The following SALL4 variants were observed in gnomAD, a reference collection of about 807,000 sequenced individuals.
SALL4 encodes spalt like transcription factor 4.
In SALL4, 4 loss-of-function variants were observed where a neutral mutation model predicts 60.8. The observed-to-expected ratio is 0.07, with a 90% CI of 0.03 to 0.15. SALL4 has a LOEUF of 0.15. SALL4 is among the 10% of genes least tolerant of loss of function. The pLI is 1.00. For synonymous variants in SALL4, 580 were observed against 574.9 expected (o/e 1.01, Z -0.13); for missense variants, 1,178 against 1,394.7 (o/e 0.84, Z 2.48).
At position 51,784,409 on chromosome 20, in the gene SALL4, G is replaced by T; in HGVS notation, c.3018C>A (p.Ser1006=). 6.2e-7 allele frequency: 1 copy of T among 1,614,170 alleles called. No homozygotes were observed. Among genetic ancestry groups the T allele is most frequent in the African/African-American group, 1.3e-5 (1 of 75,036 alleles). Residue 1006 remains serine (S), a synonymous_variant, in exon 4 of 4, where the codon TCC becomes TCA. Transcript: ENST00000217086. ...TGGAGACAGTGGCGTTATTCACAACGGAGGTGGCCCCCAAGGAAACCGGGA... is the reference window on the plus strand; with the variant it reads ...TGGAGACAGTGGCGTTATTCACAACTGAGGTGGCCCCCAAGGAAACCGGGA... ...PTLPVSLGAT[S]VVNNATVSKM... is the part of the protein sequence containing the mutation.
chr20:51,791,415 G>C lies in SALL4; in HGVS notation c.1068C>G (p.Ser356=). The C allele has an allele frequency of 1.2e-6, 2 of 1,614,156 alleles. No homozygotes were observed. The highest frequency in any genetic ancestry group is 1.7e-6 in the Non-Finnish European group (2 of 1,180,020). Residue 356 remains serine, a synonymous_variant, in exon 2 of 4, where the codon TCC becomes TCG. Transcript: ENST00000217086. This position sits in a 1 kb window ranked among gnomAD's most constrained non-coding sequence, Gnocchi z 4.6. ...TCGGTGGCTTCCCCTTCCCTTTCTT[G>C]GATGTGTCTAGCGCCACAGTGGAGA... is the stretch of plus-strand genomic sequence containing the variant. ...SPFSTVALDT[S]KKGKGKPPNI...
intron 1 of SALL4, among the ~76,000 whole-genome samples, chr20:51,794,736 C>T (rs990162502): frequency 5.9e-5 from 9 of 151,918 alleles, no homozygotes; most frequent in South Asian, 2.1e-4. Flanking sequence ...AAACTATTAC[C>T]CTATTTGACA....
rs201272780 is a variant in SALL4 at position 51,790,160 on chromosome 20, G to T, written c.2323C>A (p.Arg775=). 1.2e-6 allele frequency: 2 copies of T among 1,614,086 alleles called. No individual in the cohort carries two copies. The highest frequency in any genetic ancestry group is 4.5e-5 in the East Asian group (2 of 44,878). ...GTGGTTTCCAGGATATCTGGGCTTC[G>T]GCTCTGATACTCCTGGTCTCCCATC... ...SLMGDQEYQS[R]SPDILETTSF... Residue 775 remains arginine, a synonymous_variant, in exon 2 of 4, where the codon CGA becomes AGA. Coordinates refer to ENST00000217086, the MANE Select transcript of SALL4 (RefSeq NM_020436.5). This position sits in a 1 kb window ranked among gnomAD's most constrained non-coding sequence, Gnocchi z 5.5.
chr20:51,800,997 G>A (rs1016326115), intron 1 of SALL4, among the ~76,000 whole-genome samples: 3 of 152,164 alleles, frequency 2.0e-5, no homozygotes, highest in African/African-American at 7.2e-5. Flanking sequence ...GGAAACCCCG[G>A]GTATCAGAGA....
chr20:51,786,622 A>C (rs1330955735), intron 3 of SALL4, among the ~76,000 whole-genome samples: 1 of 152,230 alleles, frequency 6.6e-6, no homozygotes. Flanking sequence ...GTAAAATGGG[A>C]AAATCTGAAT....
intron 1 of SALL4, among the ~76,000 whole-genome samples, chr20:51,794,560 A>G (rs759003107): frequency 6.6e-6 from 1 of 152,168 alleles, no homozygotes; most frequent in Admixed American, 6.5e-5. Context: ...TCAAAAAATA[A>G]ATAAATAAAT....
rs2122966323 is a variant in SALL4 at position 51,792,086 on chromosome 20, G to A, written c.397C>T (p.His133Tyr). Residue 133 changes from histidine (H) to tyrosine (Y), a missense_variant, in exon 2 of 4, where the codon CAC (histidine) becomes TAC (tyrosine). Coordinates refer to ENST00000217086, the MANE Select transcript of SALL4 (RefSeq NM_020436.5). ...QPTSPGSKDC[H>Y]RENGGSSEDM... ...TCTGAGCTGCCGCCATTCTCCCTGT[G>A]ACAGTCCTTACTGCCGGGACTGGTG... is the stretch of plus-strand genomic sequence containing the variant. 1 of 1,614,160 alleles carries A rather than the reference G, an allele frequency of 6.2e-7. No individual in the cohort carries two copies. Among genetic ancestry groups the A allele is most frequent in the East Asian group, 2.2e-5 (1 of 44,876 alleles).
chr20:51,802,230 T>G, intron 1 of SALL4, 49 bp downstream of exon 1: 1 of 1,541,936 alleles, frequency 6.5e-7, no homozygotes, highest in Non-Finnish European at 8.7e-7. Flanking sequence ...GGATCCCGCG[T>G]ACGTCCGGGA....
At chr20:51,798,482 GACT>G (rs2078091891) in intron 1 of SALL4, among the ~76,000 whole-genome samples, 1 of 152,108 alleles carries the variant, frequency 6.6e-6, no homozygotes. Context: ...GGATTGTGGT[GACT>G]GGCGATGCAG....
rs558350484 is a variant in SALL4, at chr20:51,790,886, C to T, written c.1597G>A (p.Ala533Thr). The part of the protein sequence containing the change: ...GVGPNYNSPR[A>T]GGFQGSGTPE... ...GTCCCACTCCCTTGGAAGCCACCAGCCCTTGGGGAATTATAGTTTGGTCCC... is the reference window on the plus strand; with the variant it reads ...GTCCCACTCCCTTGGAAGCCACCAGTCCTTGGGGAATTATAGTTTGGTCCC... Residue 533 changes from alanine (A) to threonine (T), a missense_variant, in exon 2 of 4, where the codon GCT becomes ACT. Coordinates refer to ENST00000217086, the MANE Select transcript of SALL4 (RefSeq NM_020436.5). The surrounding 1 kb of genome is among the most constrained non-coding windows in gnomAD (Gnocchi z 5.5). 1.9e-6 allele frequency: 3 copies of T among 1,614,104 alleles called. No individual in the cohort carries two copies. Among genetic ancestry groups the T allele is most frequent in the Non-Finnish European group, 1.7e-6 (2 of 1,180,036 alleles).
chr20:51,793,760 C>G (rs2078063809), intron 1 of SALL4, among the ~76,000 whole-genome samples: 1 of 152,216 alleles, frequency 6.6e-6, no homozygotes, highest in Admixed American at 6.5e-5. Flanking sequence ...CACAGTCCAC[C>G]CACGGGTTTC....
chr20:51,790,158 T>C lies in SALL4; in HGVS notation c.2325A>G (p.Arg775=). The change falls in exon 2 of 4, where the codon CGA becomes CGG. Residue 775 remains arginine, a synonymous_variant. Coordinates refer to ENST00000217086, the MANE Select transcript of SALL4 (RefSeq NM_020436.5). The surrounding 1 kb of genome is among the most constrained non-coding windows in gnomAD (Gnocchi z 5.5). ...SLMGDQEYQS[R]SPDILETTSF... Reference sequence around the variant, plus strand: ...ATGTGGTTTCCAGGATATCTGGGCTTCGGCTCTGATACTCCTGGTCTCCCA... The same window carrying C: ...ATGTGGTTTCCAGGATATCTGGGCTCCGGCTCTGATACTCCTGGTCTCCCA... 6.2e-7 allele frequency: 1 copy of C among 1,614,166 alleles called. No homozygotes were observed. Among genetic ancestry groups the C allele is most frequent in the Non-Finnish European group, 8.5e-7 (1 of 1,180,022 alleles).
rs755850181 is a variant in SALL4 at position 51,783,607 on chromosome 20, C to T, written c.*658G>A. On this transcript the variant is annotated 3_prime_UTR_variant, in exon 4 of 4. Coordinates refer to ENST00000217086, the MANE Select transcript of SALL4 (RefSeq NM_020436.5). ...TGTTCAGTAAGTTCCAACGATTCTA[C>T]CTTGAAATAGGTAACAGTCTTTGGA... 2.0e-5 allele frequency: 3 copies of T among 152,784 alleles called. No homozygotes were observed. The highest frequency in any genetic ancestry group is 4.4e-5 in the Non-Finnish European group (3 of 68,650). 9.5% of individuals were successfully genotyped at this position (152,784 alleles called of 1,614,324 possible). A position where few individuals can be genotyped will look rare whatever the true frequency, so the allele number is the denominator to read the frequency against.
rs767282467 is a variant in SALL4 at position 51,784,527 on chromosome 20, A to G, written c.2900T>C (p.Val967Ala). Residue 967 changes from valine to alanine, a missense_variant, in exon 4 of 4, where the codon GTT becomes GCT. Physicochemically the swap from Val to Ala is moderately conservative, Grantham distance 64. Around this residue, in one of 5 missense-constraint regions of SALL4, gnomAD observed 174 missense variants for 169.6 expected, o/e 1.03. Coordinates refer to ENST00000217086, the MANE Select transcript of SALL4 (RefSeq NM_020436.5). The part of the protein sequence containing the change: ...ILAPSVNVDP[V>A]VWNQYTSMLN... ...CATGCTGGTGTACTGGTTCCACACA[A>G]CAGGGTCCACATTCACTGAAGGGGC... is the stretch of plus-strand genomic sequence containing the variant. The G allele has an allele frequency of 6.2e-7, 1 of 1,614,082 alleles. No individual in the cohort carries two copies. The highest frequency in any genetic ancestry group is 1.7e-5 in the Admixed American group (1 of 60,008).
At position 51,784,610 on chromosome 20, in the gene SALL4, C is replaced by T; in HGVS notation, c.2817G>A (p.Met939Ile). ...TTTTTCCGTCCGTACCTAACAGAGC[C>T]ATGGTGTTCTCGATGGCCAACTTCC... is the stretch of plus-strand genomic sequence containing the variant. The part of the protein sequence containing the change: ...RGRKLAIENT[M>I]ALLGTDGKRV... Residue 939 changes from methionine to isoleucine, a missense_variant, in exon 4 of 4, where the codon ATG (methionine) becomes ATA (isoleucine). Around this residue, in one of 5 missense-constraint regions of SALL4, gnomAD observed 174 missense variants for 169.6 expected, o/e 1.03. Coordinates refer to ENST00000217086, the MANE Select transcript of SALL4 (RefSeq NM_020436.5). 1 of 1,614,170 alleles carries T rather than the reference C, an allele frequency of 6.2e-7. No individual in the cohort carries two copies. Among genetic ancestry groups the T allele is most frequent in the Non-Finnish European group, 8.5e-7 (1 of 1,180,036 alleles).
chr20:51,791,656 C>T lies in SALL4; in HGVS notation c.827G>A (p.Ser276Asn). 3 of 1,614,140 alleles carry T rather than the reference C, an allele frequency of 1.9e-6. No individual in the cohort carries two copies. The highest frequency in any genetic ancestry group is 1.1e-5 in the South Asian group (1 of 91,092). Residue 276 changes from serine to asparagine, a missense_variant, in exon 2 of 4, where the codon AGC (serine) becomes AAC (asparagine). Ser to Asn is a conservative substitution (Grantham distance 46, BLOSUM62 1). Coordinates refer to ENST00000217086, the MANE Select transcript of SALL4 (RefSeq NM_020436.5). The surrounding 1 kb of genome is among the most constrained non-coding windows in gnomAD (Gnocchi z 4.6). ...CAGACCTTGGCTTCCAGCTTTCTGG[C>T]TGAGCAAAGCCACAGCTGCAGAAAC... ...QQVSAAVALL[S>N]QKAGSQGLSL...
intron 3 of SALL4, among the ~76,000 whole-genome samples, chr20:51,785,831 A>T (rs1006524721): frequency 4.6e-5 from 7 of 151,164 alleles, no homozygotes; most frequent in Non-Finnish European, 1.0e-4. Flanking sequence ...TTTAGTAGAG[A>T]CGGGGTTTCA....
chr20:51,798,465 TG>T (rs926078731), intron 1 of SALL4, among the ~76,000 whole-genome samples: 23 of 51,794 alleles, frequency 4.4e-4, no homozygotes, highest in African/African-American at 9.3e-4. Flanking sequence ...GGGGCGGGGG[TG>T]GGGGGGGATT....
chr20:51,794,413 C>T (rs986213139), intron 1 of SALL4, among the ~76,000 whole-genome samples: 1 of 152,028 alleles, frequency 6.6e-6, no homozygotes, highest in Non-Finnish European at 1.5e-5. Context: ...CTTAGCCCAG[C>T]GTGGTGGCGC....
Sources: allele counts gnomAD v4.1 joint callset (sites outside exome capture counted in the v4.1 genomes callset), GRCh38; gene constraint gnomAD v4.1.1; regional missense constraint gnomAD v4.1.1; non-coding constraint Gnocchi (gnomAD v3.1); transcripts MANE v1.5; gene names NCBI Gene and HGNC (gene_info 2026-07-23, HGNC 2026-07-21).